PLA2R1: variants seen among roughly 807,000 people sequenced by gnomAD.
PLA2R1 encodes the protein phospholipase A2 receptor 1.
PLA2R1 carries 158 observed loss-of-function variants against 195.9 expected under a neutral mutation model. That is an observed-to-expected ratio of 0.81 (90% confidence interval 0.71 to 0.92). The LOEUF (loss-of-function observed/expected upper bound fraction) is 0.92, where lower values mean the gene tolerates loss of function less well. Among genes scored for constraint, PLA2R1 ranks in the 40% least tolerant of loss-of-function variants. The pLI, the probability that PLA2R1 is intolerant of heterozygous loss-of-function variation, is 0.00. For missense variants in PLA2R1, 1,626 were observed against 1,764.6 expected (o/e 0.92, Z 1.41); for synonymous variants, 586 against 598.2 (o/e 0.98, Z 0.30).
Position 159,947,599 on chromosome 2 carries a change from G to C in PLA2R1, c.3710-40C>G, listed in dbSNP as rs757011549. ...CAGTTATGATTTCAGGGTGGTGACT[G>C]GGTTTATTTATTGAGATAAATATTA... is the stretch of plus-strand genomic sequence containing the variant. On this transcript the variant is annotated intron_variant, in intron 25 of 29. Coordinates refer to ENST00000283243, the MANE Select transcript of PLA2R1 (RefSeq NM_007366.5). The C allele has an allele frequency of 3.1e-6, 5 of 1,592,466 alleles. No individual in the cohort carries two copies. In the Admixed American group the frequency reaches 5.2e-5, roughly 16 times the overall value.
intron 8 of PLA2R1, among the ~76,000 whole-genome samples, chr2:160,018,963 C>T (rs1030370332): frequency 1.3e-5 from 2 of 152,238 alleles, no homozygotes; most frequent in African/African-American, 4.8e-5. Context: ...GTTAGAAGAA[C>T]ATGGACATCT....
the PLA2R1 span, among the ~76,000 whole-genome samples, chr2:159,925,471 A>G: frequency 1.3e-5 from 2 of 152,050 alleles, no homozygotes; most frequent in African/African-American, 4.8e-5. Context: ...GGTTTCTGAG[A>G]CACACTTAAA....
intron 20 of PLA2R1, among the ~76,000 whole-genome samples, 161 bp downstream of exon 20, chr2:159,967,378 T>A (rs565494054): frequency 1.3e-5 from 2 of 152,188 alleles, no homozygotes; most frequent in South Asian, 4.1e-4. Context: ...AAAGATTTGT[T>A]ACTAAATGGA....
At chr2:159,978,397 A>G (rs1432934990) in intron 14 of PLA2R1, among the ~76,000 whole-genome samples, 4 of 152,222 alleles carry the variant, frequency 2.6e-5, no homozygotes, top group Non-Finnish European at 5.9e-5. Context: ...GTACACTGTC[A>G]CGTAATAATT....
downstream of PLA2R1, among the ~76,000 whole-genome samples, chr2:159,930,407 CAAA>C (rs11389351): frequency 2.6e-5 from 3 of 115,512 alleles, no homozygotes; most frequent in African/African-American, 3.4e-5. Flanking sequence ...GACTCCGTCT[CAAA>C]AAAAAAAAAA....
chr2:160,043,009 A>G (rs141762154), intron 2 of PLA2R1, among the ~76,000 whole-genome samples: 71 of 152,206 alleles, frequency 4.7e-4, no homozygotes, highest in African/African-American at 1.5e-3. Flanking sequence ...GAGGTGATCC[A>G]GCAGAAGGAA....
chr2:160,025,746 C>G (rs530320325), intron 6 of PLA2R1, among the ~76,000 whole-genome samples: 1 of 151,262 alleles, frequency 6.6e-6, no homozygotes, highest in East Asian at 2.0e-4. Flanking sequence ...AAGCAGAAAA[C>G]AATGAAAAAA....
chr2:160,014,181 C>A (rs1692576283), intron 9 of PLA2R1, among the ~76,000 whole-genome samples: 1 of 151,452 alleles, frequency 6.6e-6, no homozygotes, highest in Admixed American at 6.6e-5. Flanking sequence ...TTGTTTGGAG[C>A]ATAATGCTTC....
rs1286858658 is a variant in PLA2R1, at chr2:159,933,496, C to T, written c.*8282G>A. The T allele has an allele frequency of 6.6e-6, 1 of 152,162 alleles. No individual in the cohort carries two copies. Among genetic ancestry groups the T allele is most frequent in the Non-Finnish European group, 1.5e-5 (1 of 68,026 alleles). The allele number at this position is 152,162 out of a possible 1,614,324, so 9.4% of individuals were successfully genotyped here. A position where few individuals can be genotyped will look rare whatever the true frequency, so the allele number is the denominator to read the frequency against. ...TTGTTAAGCCTTTCTCTACTTCTGA[C>T]AGAATTAATCAGTCCCCTCTCCTTT... On this transcript the variant is annotated 3_prime_UTR_variant, in exon 30 of 30. Coordinates refer to ENST00000283243, the MANE Select transcript of PLA2R1 (RefSeq NM_007366.5).
rs528369583 is a variant in PLA2R1 at position 159,955,825 on chromosome 2, A to G, written c.3026T>C (p.Phe1009Ser). Residue 1009 changes from phenylalanine (F) to serine (S), a missense_variant, in exon 22 of 30, where the codon TTC becomes TCC. Transcript: ENST00000283243. ...CTGGCCAAAAAGATTCATAGTAATG[A>G]AAGCTGAAAAACAGGAATACATTAT... ...VAIESEVEQA[F>S]ITMNLFGQTT... 1.3e-6 allele frequency: 2 copies of G among 1,593,712 alleles called. No homozygotes were observed. Among genetic ancestry groups the G allele is most frequent in the East Asian group, 4.5e-5 (2 of 44,262 alleles).
chr2:159,954,533 A>T (rs930499547), intron 23 of PLA2R1, among the ~76,000 whole-genome samples: 9 of 144,742 alleles, frequency 6.2e-5, no homozygotes, highest in Non-Finnish European at 7.7e-5. Context: ...TATATATATA[A>T]ATATATGCTA....
At chr2:159,949,961 T>C (rs1687639162) in intron 24 of PLA2R1, among the ~76,000 whole-genome samples, 185 bp from the exon 25 acceptor site, 3 of 152,238 alleles carry the variant, frequency 2.0e-5, no homozygotes, top group African/African-American at 7.2e-5. Flanking sequence ...AGATCTTTTT[T>C]GATTTTTAGG....
At chr2:159,977,254 A>G (rs202119917) in intron 15 of PLA2R1, 30 bp downstream of exon 15, 33 of 1,548,470 alleles carry the variant, frequency 2.1e-5, no homozygotes, top group Non-Finnish European at 2.8e-5. Flanking sequence ...GAAATCAAAC[A>G]TATAGCAAAG....
chr2:159,931,547 T>C (rs1686587329), downstream of PLA2R1, among the ~76,000 whole-genome samples: 1 of 152,160 alleles, frequency 6.6e-6, no homozygotes, highest in Non-Finnish European at 1.5e-5. Flanking sequence ...TGCACTCAAA[T>C]TGTTCTACAG....
chr2:160,010,923 C>T (rs1434841888), intron 10 of PLA2R1, among the ~76,000 whole-genome samples: 2 of 152,124 alleles, frequency 1.3e-5, no homozygotes, highest in African/African-American at 4.8e-5. Context: ...ACATCCTGCT[C>T]ATCTGTACTC....
chr2:160,011,775 T>C (rs1421926292), intron 10 of PLA2R1, among the ~76,000 whole-genome samples: 1 of 152,148 alleles, frequency 6.6e-6, no homozygotes, highest in Non-Finnish European at 1.5e-5. Context: ...GTTAACAAAT[T>C]GATAAAGGCT....
downstream of PLA2R1, among the ~76,000 whole-genome samples, chr2:159,928,322 C>A (rs549010563): frequency 6.6e-6 from 1 of 152,276 alleles, no homozygotes; most frequent in Admixed American, 6.5e-5. Flanking sequence ...CACCTATGCA[C>A]CTCCTACAGC....
intron 11 of PLA2R1, among the ~76,000 whole-genome samples, chr2:159,988,156 C>CAAA (rs80154749): frequency 6.8e-6 from 1 of 146,174 alleles, no homozygotes; most frequent in African/African-American, 2.5e-5. Context: ...CATATGACAG[C>CAAA]AAAAAAAAAA....
chr2:160,048,355 G>A (rs1695011586), intron 1 of PLA2R1, among the ~76,000 whole-genome samples: 1 of 152,182 alleles, frequency 6.6e-6, no homozygotes. Flanking sequence ...ATGTGCCATA[G>A]GCAAGTAGCT....
Sources: gnomAD v4.1 joint callset for allele counts (sites outside exome capture counted in the v4.1 genomes callset) on GRCh38, gnomAD v4.1.1 for gene constraint, MANE v1.5 for transcripts, NCBI Gene and HGNC (gene_info 2026-07-23, HGNC 2026-07-21) for gene names.